The following GPM6A variants were observed in gnomAD, a reference collection of about 807,000 sequenced individuals.
The protein encoded by GPM6A is neuronal membrane glycoprotein M6-a.
In GPM6A, 7 loss-of-function variants were observed where a neutral mutation model predicts 32.1. The ratio of observed to expected loss-of-function variants is 0.22; its 90% confidence interval spans 0.12 to 0.41. GPM6A has a LOEUF of 0.41. Among genes scored for constraint, GPM6A ranks in the 10% least tolerant of loss-of-function variants. The probability of loss-of-function intolerance (pLI) is 1.00; values close to 1 mark genes in which losing one functional copy is unlikely to be tolerated. For missense variants in GPM6A, 235 were observed against 347.2 expected, an observed-to-expected ratio of 0.68 and a Z score of 2.57; for synonymous variants, 130 against 123.4, an observed-to-expected ratio of 1.05 and a Z score of -0.35.
chr4:175,749,463 ATTAAG>A (rs1328610258), intron 1 of GPM6A, among the ~76,000 whole-genome samples: 2 of 152,192 alleles, frequency 1.3e-5, no homozygotes, highest in African/African-American at 4.8e-5. Flanking sequence ...TGCAAAGGCT[ATTAAG>A]TTAAGCATAA....
intron 1 of GPM6A, among the ~76,000 whole-genome samples, chr4:175,912,689 A>G (rs990802299): frequency 6.6e-6 from 1 of 152,116 alleles, no homozygotes; most frequent in Non-Finnish European, 1.5e-5. Context: ...TAAAGGTGTC[A>G]GTACCAGTTT....
intron 1 of GPM6A, among the ~76,000 whole-genome samples, chr4:175,840,473 T>C (rs1390516695): frequency 6.6e-6 from 1 of 151,174 alleles, no homozygotes; most frequent in Non-Finnish European, 1.5e-5. Context: ...AGGTCAGGAG[T>C]TTGAGACCAG....
Position 175,954,764 on chromosome 4 carries a change from A to G in GPM6A, c.-23+47545T>C, listed in dbSNP as rs151059797. Reference sequence around the variant, plus strand: ...TATCTGTCTTTTCCATGGGTCTTAAACATGATTTGGACTTGGAGTATTTTC... The same window carrying G: ...TATCTGTCTTTTCCATGGGTCTTAAGCATGATTTGGACTTGGAGTATTTTC... On this transcript the variant is annotated intron_variant, in intron 1 of 7. Transcript: ENST00000280187. 5.1e-4 allele frequency among the ~76,000 whole-genome samples: 77 copies of G among 152,304 alleles called. 2 individuals carry two copies. The highest frequency in any genetic ancestry group is 1.7e-3 in the African/African-American group (69 of 41,572).
intron 1 of GPM6A, among the ~76,000 whole-genome samples, chr4:175,984,428 G>T (rs758025074): frequency 6.6e-6 from 1 of 152,158 alleles, no homozygotes; most frequent in Non-Finnish European, 1.5e-5. Flanking sequence ...CTCCCAAAGT[G>T]CTGGGATAAC....
At chr4:175,844,498 T>C (rs1736031154) in intron 1 of GPM6A, among the ~76,000 whole-genome samples, 1 of 152,228 alleles carries the variant, frequency 6.6e-6, no homozygotes, top group Non-Finnish European at 1.5e-5. Flanking sequence ...TTTGGTCTTC[T>C]GTTGATTTGT....
chr4:175,807,089 T>A (rs1341981274), intron 1 of GPM6A: 1 of 152,242 alleles, frequency 6.6e-6, no homozygotes, highest in Non-Finnish European at 1.5e-5. Context: ...CAGACTTCAA[T>A]GACATATTAA....
chr4:175,840,489 C>T (rs2111384132), intron 1 of GPM6A, among the ~76,000 whole-genome samples: 1 of 152,254 alleles, frequency 6.6e-6, no homozygotes, highest in African/African-American at 2.4e-5. Context: ...ACCAGCCTGG[C>T]TAACATGGCG....
chr4:175,651,422 G>A (rs1267882680), intron 4 of GPM6A, among the ~76,000 whole-genome samples: 1 of 151,720 alleles, frequency 6.6e-6, no homozygotes, highest in South Asian at 2.1e-4. Flanking sequence ...TCCCATTTCA[G>A]AAGACAATGA....
chr4:176,002,227 G>A, intron 1 of GPM6A: 1 of 1,414,226 alleles, frequency 7.1e-7, no homozygotes, highest in Admixed American at 1.9e-5. Flanking sequence ...CTGAGGCCGA[G>A]GAACATTCAT....
chr4:175,791,070 A>G (rs986903208), intron 1 of GPM6A, among the ~76,000 whole-genome samples: 8 of 152,138 alleles, frequency 5.3e-5, no homozygotes, highest in Non-Finnish European at 8.8e-5. Flanking sequence ...TCCTTTTCCT[A>G]TGTCTTTTGG....
At chr4:175,862,013 C>A (rs1736590195) in intron 1 of GPM6A, among the ~76,000 whole-genome samples, 1 of 152,144 alleles carries the variant, frequency 6.6e-6, no homozygotes, top group African/African-American at 2.4e-5. Context: ...TTGTAACTGA[C>A]ATAGCGTGTA....
intron 1 of GPM6A, among the ~76,000 whole-genome samples, chr4:175,772,890 A>G (rs555482640): frequency 6.6e-6 from 1 of 152,346 alleles, no homozygotes; most frequent in South Asian, 2.1e-4. Flanking sequence ...ATCAATATAA[A>G]GTAACATGCT....
intron 1 of GPM6A, among the ~76,000 whole-genome samples, chr4:175,905,911 T>C (rs1738117635): frequency 6.6e-6 from 1 of 152,144 alleles, no homozygotes; most frequent in South Asian, 2.1e-4. Flanking sequence ...CTTAGTTTCT[T>C]TCTCAATTAG....
intron 1 of GPM6A, among the ~76,000 whole-genome samples, chr4:175,881,506 AG>A (rs1011731183): frequency 1.3e-5 from 2 of 152,232 alleles, no homozygotes; most frequent in African/African-American, 4.8e-5. Context: ...ATATACCCAA[AG>A]GAATATAAAT....
intron 3 of GPM6A, among the ~76,000 whole-genome samples, chr4:175,653,313 T>A (rs1741907646): frequency 6.6e-6 from 1 of 152,038 alleles, no homozygotes; most frequent in South Asian, 2.1e-4. Context: ...TAAATAGCAG[T>A]TACTAAATGC....
At chr4:175,706,792 G>T (rs1232127433) in intron 1 of GPM6A, among the ~76,000 whole-genome samples, 1 of 152,168 alleles carries the variant, frequency 6.6e-6, no homozygotes, top group African/African-American at 2.4e-5. Context: ...TGAGAGAGTA[G>T]GTCAGCATAA....
chr4:175,842,226 A>G (rs1185760225), intron 1 of GPM6A, among the ~76,000 whole-genome samples: 1 of 152,192 alleles, frequency 6.6e-6, no homozygotes, highest in African/African-American at 2.4e-5. Context: ...ATGATTCTCC[A>G]AAAGCAAATT....
At chr4:175,865,207 T>C (rs1736694052) in intron 1 of GPM6A, among the ~76,000 whole-genome samples, 1 of 152,234 alleles carries the variant, frequency 6.6e-6, no homozygotes, top group African/African-American at 2.4e-5. Context: ...ATCATTTCAC[T>C]ATTGAATTAC....
intron 3 of GPM6A, among the ~76,000 whole-genome samples, chr4:175,666,657 T>G (rs772907404): frequency 2.0e-5 from 3 of 152,210 alleles, no homozygotes; most frequent in Non-Finnish European, 4.4e-5. Flanking sequence ...TAATAACTAT[T>G]ACATGTTTGA....
Sources: gnomAD v4.1 joint callset for allele counts (sites outside exome capture counted in the v4.1 genomes callset) on GRCh38, gnomAD v4.1.1 for gene constraint, MANE v1.5 for transcripts, NCBI Gene and HGNC (gene_info 2026-07-23, HGNC 2026-07-21) for gene names.